The following DMC1 variants were observed in gnomAD, a reference collection of about 807,000 sequenced individuals.
DMC1 encodes meiotic recombination protein DMC1 homolog.
In DMC1, 27 loss-of-function variants were observed where a neutral mutation model predicts 50.1. The observed-to-expected ratio is 0.54, with a 90% CI of 0.40 to 0.74. DMC1 has a LOEUF of 0.74. Among genes scored for constraint, DMC1 ranks in the 30% least tolerant of loss-of-function variants. DMC1 has a pLI of 0.00. For missense variants in DMC1, 295 were observed against 420.2 expected, an observed-to-expected ratio of 0.70 and a Z score of 2.60; for synonymous variants, 148 against 136.1, an observed-to-expected ratio of 1.09 and a Z score of -0.61.
intron 7 of DMC1, among the ~76,000 whole-genome samples, chr22:38,550,946 A>AAAAGAAAG (rs1258351194): frequency 9.0e-6 from 1 of 111,384 alleles, no homozygotes; most frequent in South Asian, 2.9e-4. Flanking sequence ...AAAAAAAAAA[A>AAAAGAAAG]AAAGAAAGAA....
At chr22:38,543,027 A>C (rs571448699) in intron 8 of DMC1, among the ~76,000 whole-genome samples, 1 of 152,168 alleles carries the variant, frequency 6.6e-6, no homozygotes, top group Non-Finnish European at 1.5e-5. Flanking sequence ...TTAGACCCCT[A>C]TCTCTCACCA....
chr22:38,551,093 C>T (rs1190268975), intron 7 of DMC1, among the ~76,000 whole-genome samples: 2 of 149,380 alleles, frequency 1.3e-5, no homozygotes, highest in Non-Finnish European at 3.0e-5. Flanking sequence ...ATACAAAAAA[C>T]AAAAATTAGC....
intron 1 of DMC1, 39 bp from the exon 2 acceptor site, chr22:38,568,328 T>C (rs921655887): frequency 4.2e-6 from 6 of 1,443,360 alleles, no homozygotes; most frequent in Non-Finnish European, 4.9e-6. Flanking sequence ...AGTAGTCCTT[T>C]GTCCAGGGGC....
At chr22:38,517,047 A>G (rs2089980958), downstream of DMC1, among the ~76,000 whole-genome samples, 1 of 152,068 alleles carries the variant, frequency 6.6e-6, no homozygotes, top group Admixed American at 6.6e-5. Context: ...AAATTTCAAT[A>G]GGCTCTAAAT....
downstream of DMC1, among the ~76,000 whole-genome samples, chr22:38,517,815 A>G (rs1257788708): frequency 1.3e-5 from 2 of 152,176 alleles, no homozygotes; most frequent in Non-Finnish European, 2.9e-5. Flanking sequence ...TGTGGTTTTC[A>G]AAAGGTAAAA....
chr22:38,557,037 T>A (rs1464859538), intron 5 of DMC1, among the ~76,000 whole-genome samples: 3 of 152,202 alleles, frequency 2.0e-5, no homozygotes, highest in African/African-American at 7.2e-5. Context: ...TTCTTCAACT[T>A]TTATTTTAAA....
intron 8 of DMC1, among the ~76,000 whole-genome samples, chr22:38,543,230 G>GTTTT (rs1234016755): frequency 2.3e-5 from 3 of 131,540 alleles, no homozygotes; most frequent in African/African-American, 2.8e-5. Flanking sequence ...CCTGTAAATT[G>GTTTT]TTTTTTTTTT....
chr22:38,548,907 A>G (rs2090373810), intron 8 of DMC1, among the ~76,000 whole-genome samples: 1 of 152,108 alleles, frequency 6.6e-6, no homozygotes, highest in South Asian at 2.1e-4. Context: ...TCTCTGAAGC[A>G]TGATCTTTCC....
chr22:38,543,827 T>C (rs2090313578), intron 8 of DMC1, among the ~76,000 whole-genome samples: 1 of 152,120 alleles, frequency 6.6e-6, no homozygotes, highest in African/African-American at 2.4e-5. Context: ...TTCCTAACCA[T>C]CCTTCCTGCC....
chr22:38,561,563 G>A (rs990380409), intron 5 of DMC1, among the ~76,000 whole-genome samples: 2 of 152,164 alleles, frequency 1.3e-5, no homozygotes, highest in African/African-American at 4.8e-5. Context: ...GGAGACTTTG[G>A]GAGAAGCAGA....
intron 12 of DMC1, among the ~76,000 whole-genome samples, chr22:38,522,894 T>A (rs1402305653): frequency 6.6e-6 from 1 of 152,054 alleles, no homozygotes; most frequent in Non-Finnish European, 1.5e-5. Context: ...GCTACTTGAT[T>A]AAATGGCTCA....
downstream of DMC1, among the ~76,000 whole-genome samples, chr22:38,518,538 T>G (rs1332244940): frequency 1.4e-5 from 2 of 146,048 alleles, no homozygotes; most frequent in African/African-American, 5.0e-5. Context: ...TCTTTCCTTC[T>G]TTTTTTTTTT....
At position 38,539,316 on chromosome 22, in the gene DMC1, C is replaced by T. The variant is rs745933131; in HGVS notation, c.586+5G>A. On this transcript the variant is annotated splice_donor_5th_base_variant and intron_variant, in intron 9 of 13. Transcript: ENST00000216024. Reference sequence around the variant, plus strand: ...CCCAAGCATCCAACTGCATGGGGCTCTTACTAGTATATGCACGTGCATAAA... The same window carrying T: ...CCCAAGCATCCAACTGCATGGGGCTTTTACTAGTATATGCACGTGCATAAA... 1.2e-6 allele frequency: 2 copies of T among 1,610,550 alleles called. No homozygotes were observed. The highest frequency in any genetic ancestry group is 2.2e-5 in the South Asian group (2 of 90,986).
At chr22:38,529,003 A>ATTTC (rs968824748) in intron 12 of DMC1, among the ~76,000 whole-genome samples, 6 of 150,860 alleles carry the variant, frequency 4.0e-5, no homozygotes, top group Non-Finnish European at 7.4e-5. Context: ...ATTTTCTTCT[A>ATTTC]TTTCTTTCTT....
chr22:38,526,383 T>C (rs1019707166), intron 12 of DMC1, among the ~76,000 whole-genome samples: 1 of 151,972 alleles, frequency 6.6e-6, no homozygotes, highest in Non-Finnish European at 1.5e-5. Context: ...CTAATTTTTG[T>C]ATTTTTAGTA....
intron 7 of DMC1, among the ~76,000 whole-genome samples, chr22:38,550,693 G>A (rs993897542): frequency 2.7e-5 from 4 of 150,732 alleles, no homozygotes; most frequent in African/African-American, 4.8e-5. Flanking sequence ...CACTTTGGGA[G>A]GCCAAGGTGG....
intron 6 of DMC1, 149 bp from the exon 7 acceptor site, chr22:38,552,856 T>C (rs2090427311): frequency 1.6e-6 from 1 of 639,840 alleles, no homozygotes; most frequent in African/African-American, 1.8e-5. Flanking sequence ...TGTTATTTTT[T>C]ATTTTTTTTT....
At chr22:38,565,847 A>G (rs1047071053) in intron 4 of DMC1, among the ~76,000 whole-genome samples, 3 of 152,182 alleles carry the variant, frequency 2.0e-5, no homozygotes, top group African/African-American at 4.8e-5. Context: ...TCTCTTATCA[A>G]TTGGCTATAT....
chr22:38,533,432 A>G (rs1319488542), intron 12 of DMC1, among the ~76,000 whole-genome samples: 2 of 150,924 alleles, frequency 1.3e-5, no homozygotes. Flanking sequence ...TTGAAAAGTG[A>G]GAGATAGATA....
Sources: allele counts gnomAD v4.1 joint callset (sites outside exome capture counted in the v4.1 genomes callset), GRCh38; gene constraint gnomAD v4.1.1; transcripts MANE v1.5; gene names NCBI Gene and HGNC (gene_info 2026-07-23, HGNC 2026-07-21).